LILRB5: variants seen among roughly 807,000 people sequenced by gnomAD.
The protein encoded by LILRB5 is leukocyte immunoglobulin-like receptor subfamily B member 5.
Under a neutral mutation model 68.4 loss-of-function variants are expected in LILRB5, and 61 were observed. That is an observed-to-expected ratio of 0.89 (90% CI 0.73 to 1.10). LILRB5 has a LOEUF of 1.10. Ranked by LOEUF, LILRB5 falls within the 50% of genes least tolerant of loss-of-function variation. LILRB5 has a pLI of 0.00. For missense variants in LILRB5, 771 were observed against 751.6 expected, an observed-to-expected ratio of 1.03 and a Z score of -0.30; for synonymous variants, 356 against 315.8, an observed-to-expected ratio of 1.13 and a Z score of -1.35.
In LILRB5 at chr19:54,255,420, G is replaced by T. The variant is rs1569059646; in HGVS notation, c.818C>A (p.Ala273Asp). 1 of 1,614,142 alleles carries T rather than the reference G, an allele frequency of 6.2e-7. No individual in the cohort carries two copies. Among genetic ancestry groups the T allele is most frequent in the South Asian group, 1.1e-5 (1 of 91,082 alleles). Residue 273 changes from alanine to aspartate, a missense_variant, in exon 5 of 13, where the codon GCT becomes GAT. Ala to Asp is a moderately radical substitution (Grantham distance 126). Coordinates refer to ENST00000449561, the MANE Select transcript of LILRB5 (RefSeq NM_001081442.3). ...GGTGAAGTTGGCCTGGGAGAGCCCA[G>T]CCTGGGGCTGCTGGCCAGAGCCCTG... is the stretch of plus-strand genomic sequence containing the variant. ...LVQGSGQQPQ[A>D]GLSQANFTLG...
At position 54,256,043 on chromosome 19, in the gene LILRB5, C is replaced by T. The variant is rs771813043; in HGVS notation, c.655G>A (p.Gly219Ser). ...TAAAGAAGTGTGGTGGCTTTTTCACCTGGGACCAGAATCTCCAGGAGGTCA... is the reference window on the plus strand; with the variant it reads ...TAAAGAAGTGTGGTGGCTTTTTCACTTGGGACCAGAATCTCCAGGAGGTCA... ...PSDLLEILVP[G>S]VSRKPSLLIP... Residue 219 changes from glycine to serine, a missense_variant and splice_region_variant, in exon 4 of 13, where the codon GGC becomes AGC. Transcript: ENST00000449561. 1 of 1,534,592 alleles carries T rather than the reference C, an allele frequency of 6.5e-7. No individual in the cohort carries two copies. The highest frequency in any genetic ancestry group is 8.7e-7 in the Non-Finnish European group (1 of 1,144,318).
chr19:54,251,765 G>T, intron 12 of LILRB5: 1 of 666,728 alleles, frequency 1.5e-6, no homozygotes, highest in South Asian at 1.6e-5. Context: ...GAGCCTGGGG[G>T]ACCGGGTCGG....
At chr19:54,254,259 G>A (rs1416678691) in intron 7 of LILRB5, 106 bp downstream of exon 7, 2 of 1,465,084 alleles carry the variant, frequency 1.4e-6, no homozygotes, top group Non-Finnish European at 1.8e-6. Flanking sequence ...TCCCTGGAGG[G>A]AAGCTCCCGC....
chr19:54,251,909 G>A lies in LILRB5; in HGVS notation c.1629+145C>T, dbSNP rs563706715. On this transcript the variant is annotated intron_variant, in intron 12 of 12. Transcript: ENST00000449561. ...CAGGACAGCAGAAGAGAGTGAGGTCGCAGCAGGCGGGAGGCAGCGTGCTGG... is the reference window on the plus strand; with the variant it reads ...CAGGACAGCAGAAGAGAGTGAGGTCACAGCAGGCGGGAGGCAGCGTGCTGG... The A allele has an allele frequency of 1.5e-3, 1,332 of 899,566 alleles. 12 individuals are homozygous for A. In the African/African-American group the frequency reaches 0.018, roughly 12 times the overall value. The allele number at this position is 899,566 out of a possible 1,614,324, so 55.7% of individuals were successfully genotyped here.
In LILRB5 at chr19:54,257,019, G is replaced by A; in HGVS notation, c.35-23C>T. ...GCCCTGGAAGAGAGTTCCCTGTGAG[G>A]GATTTGCCCCTGGAAGCCCCAGCAG... is the stretch of plus-strand genomic sequence containing the variant. On this transcript the variant is annotated intron_variant, in intron 1 of 12. Coordinates refer to ENST00000449561, the MANE Select transcript of LILRB5 (RefSeq NM_001081442.3). 2.5e-6 allele frequency: 4 copies of A among 1,614,224 alleles called. No homozygotes were observed. In the South Asian group the frequency reaches 4.4e-5, roughly 18 times the overall value.
At chr19:54,254,597 G>C (rs1601034155) in intron 6 of LILRB5, 138 bp downstream of exon 6, 2 of 1,273,080 alleles carry the variant, frequency 1.6e-6, no homozygotes, top group African/African-American at 3.0e-5. Context: ...TCCCCTCTGA[G>C]GGGTGAGTCT....
Position 54,252,945 on chromosome 19 carries a change from G to A in LILRB5, c.1400C>T (p.Ala467Val), listed in dbSNP as rs971740013. The A allele has an allele frequency of 2.5e-6, 4 of 1,578,806 alleles. No individual in the cohort carries two copies. The African/African-American group carries it at 4.1e-5, about 16-fold the overall frequency. ...GAGGAGGAACAGCAGCAGGACGAAG[G>A]CCACTGAGACCCCAGTCACAACCCC... Reference protein sequence around the residue: ...HLGVVTGVSVAFVLLLFLLLF... With the variant: ...HLGVVTGVSVVFVLLLFLLLF... The change falls in exon 9 of 13, where the codon GCC (alanine) becomes GTC (valine). Residue 467 changes from alanine (A) to valine (V), a missense_variant. Physicochemically the swap from Ala to Val is moderately conservative, Grantham distance 64. Coordinates refer to ENST00000449561, the MANE Select transcript of LILRB5 (RefSeq NM_001081442.3).
Position 54,252,498 on chromosome 19 carries a change from C to T in LILRB5, c.1526G>A (p.Gly509Asp). Residue 509 changes from glycine (G) to aspartate (D), a missense_variant, in exon 10 of 13, where the codon GGC becomes GAC. Gly to Asp is a moderately conservative substitution (Grantham distance 94). Coordinates refer to ENST00000449561, the MANE Select transcript of LILRB5 (RefSeq NM_001081442.3). Reference sequence around the variant, plus strand: ...CATGCAGAATTACCTCTTCTGCAGGCCCTGGTCCTTGGGCTCTGGCCCCGC... The same window carrying T: ...CATGCAGAATTACCTCTTCTGCAGGTCCTGGTCCTTGGGCTCTGGCCCCGC... ...GAAGPEPKDQ[G>D]LQKRASPVAD... The T allele has an allele frequency of 6.2e-7, 1 of 1,614,120 alleles. No individual in the cohort carries two copies. The highest frequency in any genetic ancestry group is 1.1e-5 in the South Asian group (1 of 91,086).
At chr19:54,254,165 C>A (rs531672779) in intron 7 of LILRB5, 97 bp from the exon 8 acceptor site, 3 of 1,528,362 alleles carry the variant, frequency 2.0e-6, no homozygotes, top group African/African-American at 2.8e-5. Flanking sequence ...CCCAACATCT[C>A]TCTCTGCCTC....
chr19:54,256,113 G>A lies in LILRB5; in HGVS notation c.585C>T (p.Cys195=). 1 of 1,602,512 alleles carries A rather than the reference G, an allele frequency of 6.2e-7. No individual in the cohort carries two copies. ...VTPSCRWRFR[C]YYYYRKNPQV... ...GAGGGTTTTTCCTGTAATAGTAATA[G>A]CATCTGAACCTCCACCTGCAGCTGG... The change falls in exon 4 of 13, where the codon TGC becomes TGT. Residue 195 remains cysteine, a synonymous_variant. Coordinates refer to ENST00000449561, the MANE Select transcript of LILRB5 (RefSeq NM_001081442.3).
In LILRB5 at chr19:54,252,646, C is replaced by CT; in HGVS notation, c.1475-98dup. ...GGAAAGAAGGAAACCTGGAGGCCCA[C>CT]TGGCACTGAGGCTTTAAATACGTCG... On this transcript the variant is annotated intron_variant, in intron 9 of 12. Transcript: ENST00000449561. 4.3e-6 allele frequency: 6 copies of CT among 1,395,116 alleles called. 1 individual carries two copies. In the South Asian group the frequency reaches 7.1e-5, roughly 16 times the overall value. 86.4% of individuals were successfully genotyped at this position (1,395,116 alleles called of 1,614,324 possible).
At chr19:54,251,177 G>C (rs1473188021) in intron 12 of LILRB5, 86 of 1,587,754 alleles carry the variant, frequency 5.4e-5, no homozygotes, top group Non-Finnish European at 6.9e-5. Flanking sequence ...CTGCTGGAGA[G>C]AGACAGTGGT....
Position 54,251,971 on chromosome 19 carries a change from G to A in LILRB5, c.1629+83C>T, listed in dbSNP as rs1034083220. On this transcript the variant is annotated intron_variant, in intron 12 of 12. Transcript: ENST00000449561. ...TCCACCGTGACGATGCTGAGAGCCG[G>A]GGGAAGGAGGACAGAGAAGTCCTGC... 8 of 1,379,472 alleles carry A rather than the reference G, an allele frequency of 5.8e-6. No homozygotes were observed. In the Admixed American group the frequency reaches 1.3e-4, roughly 23 times the overall value. 85.5% of individuals were successfully genotyped at this position (1,379,472 alleles called of 1,614,324 possible).
At chr19:54,253,030 G>T in intron 8 of LILRB5, 43 bp from the exon 9 acceptor site, 1 of 1,369,652 alleles carries the variant, frequency 7.3e-7, no homozygotes, top group Non-Finnish European at 1.0e-6. Context: ...CGTCATTGAT[G>T]TGAGCACCTT....
intron 12 of LILRB5, 60 bp from the exon 13 acceptor site, chr19:54,250,992 C>T (rs1418452297): frequency 6.3e-7 from 1 of 1,593,872 alleles, no homozygotes; most frequent in Non-Finnish European, 8.6e-7. Flanking sequence ...GCCTGGGGGC[C>T]TGGAGAGGAA....
In LILRB5 at chr19:54,255,162, C is replaced by G. The variant is rs2079086567; in HGVS notation, c.952+124G>C. On this transcript the variant is annotated intron_variant, in intron 5 of 12. Transcript: ENST00000449561. Reference sequence around the variant, plus strand: ...CTTCCCCTCCCCACCCATCCCCTGTCTCTGTCTGTCTCTCCCTCCCTTGGG... The same window carrying G: ...CTTCCCCTCCCCACCCATCCCCTGTGTCTGTCTGTCTCTCCCTCCCTTGGG... 4.9e-5 allele frequency: 41 copies of G among 838,502 alleles called. No homozygotes were observed. The South Asian group carries it at 6.5e-4, about 13-fold the overall frequency. The allele number at this position is 838,502 out of a possible 1,614,324, so 51.9% of individuals were successfully genotyped here. A position where few individuals can be genotyped will look rare whatever the true frequency, so the allele number is the denominator to read the frequency against.
At chr19:54,253,806 A>G in intron 8 of LILRB5, 1 of 1,456,914 alleles carries the variant, frequency 6.9e-7, no homozygotes, top group Non-Finnish European at 9.2e-7. Flanking sequence ...CCCCTGCCCC[A>G]GGTCACCGTC....
At chr19:54,255,614 G>C in intron 4 of LILRB5, 32 bp from the exon 5 acceptor site, 4 of 1,597,522 alleles carry the variant, frequency 2.5e-6, no homozygotes, top group Non-Finnish European at 2.6e-6. Flanking sequence ...GACTTGGAAG[G>C]CTGGTTCCTC....
Position 54,249,476 on chromosome 19 carries a change from C to T in LILRB5, c.*1310G>A, listed in dbSNP as rs956111988. 22 of 151,942 alleles carry T rather than the reference C, an allele frequency of 1.4e-4. No homozygotes were observed. The highest frequency in any genetic ancestry group is 4.8e-4 in the African/African-American group (20 of 41,358). 9.4% of individuals were successfully genotyped at this position (151,942 alleles called of 1,614,324 possible). The stretch of plus-strand genomic sequence containing the variant: ...AACACAATCAAAATACTCATTCCTT[C>T]GAGGACAAGACACAGTGAAGCACCA... On this transcript the variant is annotated 3_prime_UTR_variant, in exon 13 of 13. Coordinates refer to ENST00000449561, the MANE Select transcript of LILRB5 (RefSeq NM_001081442.3).
Sources: gnomAD v4.1 joint callset for allele counts on GRCh38, gnomAD v4.1.1 for gene constraint, MANE v1.5 for transcripts, NCBI Gene and HGNC (gene_info 2026-07-23, HGNC 2026-07-21) for gene names.